The following PTPRN2 variants were observed in gnomAD, a reference collection of about 807,000 sequenced individuals.
The protein encoded by PTPRN2 is receptor-type tyrosine-protein phosphatase N2.
A neutral mutation model predicts 118.8 loss-of-function variants in PTPRN2; 74 were observed. The ratio of observed to expected loss-of-function variants is 0.62; its 90% CI spans 0.52 to 0.76. PTPRN2 has a LOEUF of 0.76. PTPRN2 is among the 30% of genes least tolerant of loss of function. The probability of loss-of-function intolerance (pLI) is 0.00; values close to 1 mark genes in which losing one functional copy is unlikely to be tolerated. For missense variants in PTPRN2, 1,481 were observed against 1,394.4 expected (o/e 1.06, Z -0.99); for synonymous variants, 641 against 608.0 (o/e 1.05, Z -0.80).
At chr7:158,459,090 G>A (rs1229457694) in intron 2 of PTPRN2, among the ~76,000 whole-genome samples, 1 of 152,190 alleles carries the variant, frequency 6.6e-6, no homozygotes, top group South Asian at 2.1e-4. Context: ...GGCTGGACTT[G>A]CTGCACACAC....
intron 3 of PTPRN2, among the ~76,000 whole-genome samples, chr7:158,283,622 G>A (rs1799579627): frequency 6.6e-6 from 1 of 152,146 alleles, no homozygotes; most frequent in Non-Finnish European, 1.5e-5. Context: ...GCACCCTGAT[G>A]GAAGCTTTAA....
intron 9 of PTPRN2, among the ~76,000 whole-genome samples, chr7:158,113,663 G>C (rs1816476107): frequency 6.6e-6 from 1 of 152,232 alleles, no homozygotes; most frequent in Admixed American, 6.5e-5. Context: ...TAGCTGGAGA[G>C]AGAGGGTAGT....
intron 2 of PTPRN2, among the ~76,000 whole-genome samples, chr7:158,469,122 T>TGGATCAACAGAATGCACAC (rs1301344649): frequency 2.0e-5 from 3 of 151,758 alleles, no homozygotes; most frequent in South Asian, 2.1e-4. Context: ...ATCAACAGTG[T>TGGATCAACAGAATGCACAC]CAGGCTTTCA....
At chr7:158,014,807 G>A (rs569931939) in intron 11 of PTPRN2, among the ~76,000 whole-genome samples, 59 of 149,876 alleles carry the variant, frequency 3.9e-4, no homozygotes, top group East Asian at 1.2e-3. Flanking sequence ...CCATCCACCC[G>A]TCCATATACC....
chr7:158,310,514 T>A (rs114816124), intron 3 of PTPRN2, among the ~76,000 whole-genome samples: 1 of 152,158 alleles, frequency 6.6e-6, no homozygotes, highest in African/African-American at 2.4e-5. Context: ...GAATGAGGAA[T>A]TGGAAACAGT....
At chr7:158,130,703 C>CACAA (rs1263014458) in intron 9 of PTPRN2, among the ~76,000 whole-genome samples, 4 of 151,712 alleles carry the variant, frequency 2.6e-5, no homozygotes, top group Non-Finnish European at 4.4e-5. Context: ...ATCTACCCAA[C>CACAA]ACACACTCAT....
chr7:158,335,314 A>T (rs1490907306), intron 2 of PTPRN2, among the ~76,000 whole-genome samples: 3 of 16,032 alleles, frequency 1.9e-4, no homozygotes, highest in African/African-American at 4.6e-4. Flanking sequence ...CACAGAGGAC[A>T]CTCACACCCA....
Position 157,813,131 on chromosome 7 carries a change from T to C in PTPRN2, c.1788+85542A>G, listed in dbSNP as rs1262886956. 6.6e-6 allele frequency among the ~76,000 whole-genome samples: 1 copy of C among 151,922 alleles called. No homozygotes were observed. Among genetic ancestry groups the C allele is most frequent in the African/African-American group, 2.4e-5 (1 of 41,306 alleles). ...TGCTAAAACCACACGCATGGCAGCC[T>C]CCCCCAAGCCAACCACCCGGGCCCA... On this transcript the variant is annotated intron_variant, in intron 12 of 22. Coordinates refer to ENST00000389418, the MANE Select transcript of PTPRN2 (RefSeq NM_002847.5). This position sits in a 1 kb window ranked among gnomAD's most constrained non-coding sequence, Gnocchi z 4.7.
At chr7:157,744,858 C>T (rs184662963) in intron 12 of PTPRN2, among the ~76,000 whole-genome samples, 20 of 152,306 alleles carry the variant, frequency 1.3e-4, no homozygotes, top group African/African-American at 4.3e-4. Flanking sequence ...TCTTACCAAA[C>T]GACTCGGGGC....
chr7:157,633,282 A>G (rs1476128947), intron 14 of PTPRN2, among the ~76,000 whole-genome samples: 2 of 152,108 alleles, frequency 1.3e-5, no homozygotes, highest in Non-Finnish European at 2.9e-5. Context: ...CTAGGACTAC[A>G]GGTGCAAACC....
intron 3 of PTPRN2, among the ~76,000 whole-genome samples, chr7:158,284,339 G>A (rs777235007): frequency 6.6e-6 from 1 of 151,828 alleles, no homozygotes; most frequent in Admixed American, 6.6e-5. Flanking sequence ...CAAGTCAGCC[G>A]GGCACTGGGC....
chr7:157,889,467 C>A (rs1796670298), intron 12 of PTPRN2, among the ~76,000 whole-genome samples: 1 of 152,238 alleles, frequency 6.6e-6, no homozygotes, highest in South Asian at 2.1e-4. Context: ...TAAGAGACCC[C>A]ATTCACGGAG....
In PTPRN2 at chr7:157,610,441, G is replaced by A. The variant is rs1357167210; in HGVS notation, c.2345-6366C>T. 6.6e-6 allele frequency among the ~76,000 whole-genome samples: 1 copy of A among 152,172 alleles called. No homozygotes were observed. The highest frequency in any genetic ancestry group is 2.4e-5 in the African/African-American group (1 of 41,448). On this transcript the variant is annotated intron_variant, in intron 15 of 22. Coordinates refer to ENST00000389418, the MANE Select transcript of PTPRN2 (RefSeq NM_002847.5). This position sits in a 1 kb window ranked among gnomAD's most constrained non-coding sequence, Gnocchi z 5.1. ...TGGAGCCGGTGTCTTGCTCCTAGAG[G>A]GAGTCCTGACTCCAGCAGAGAACAT... is the stretch of plus-strand genomic sequence containing the variant.
rs111762997 is a variant in PTPRN2, at chr7:158,260,902, C to T, written c.278-55629G>A. ...GCAGGTCCTCAGGCAGGAGTGTGAGCTCCTAATGTCTCAGGAGAGACAGGG... is the reference window on the plus strand; with the variant it reads ...GCAGGTCCTCAGGCAGGAGTGTGAGTTCCTAATGTCTCAGGAGAGACAGGG... On this transcript the variant is annotated intron_variant, in intron 3 of 22. Coordinates refer to ENST00000389418, the MANE Select transcript of PTPRN2 (RefSeq NM_002847.5). 1.8e-3 allele frequency among the ~76,000 whole-genome samples: 275 copies of T among 152,274 alleles called. 2 individuals are homozygous for T. Among genetic ancestry groups the T allele is most frequent in the African/African-American group, 6.3e-3 (260 of 41,550 alleles).
chr7:158,139,692 C>A (rs182060173), intron 6 of PTPRN2, among the ~76,000 whole-genome samples: 2 of 151,182 alleles, frequency 1.3e-5, no homozygotes, highest in Non-Finnish European at 2.9e-5. Context: ...GGGGGCGGGG[C>A]GGGGGGAAGA....
At chr7:158,569,804 G>A (rs964650707) in intron 1 of PTPRN2, among the ~76,000 whole-genome samples, 2 of 132,246 alleles carry the variant, frequency 1.5e-5, no homozygotes, top group African/African-American at 5.7e-5. Flanking sequence ...TGACAGGAAC[G>A]CGGGGCGCGA....
chr7:158,085,664 G>A (rs1312512102), intron 10 of PTPRN2, among the ~76,000 whole-genome samples: 2 of 101,496 alleles, frequency 2.0e-5, no homozygotes, highest in Admixed American at 1.1e-4. Flanking sequence ...CCACACCCAC[G>A]ACGCCCATCC....
chr7:158,203,657 A>AT (rs950582124), intron 4 of PTPRN2, among the ~76,000 whole-genome samples: 4 of 151,802 alleles, frequency 2.6e-5, no homozygotes, highest in Admixed American at 6.6e-5. Flanking sequence ...CCAGCCCTCT[A>AT]TTTTTTGCCC....
intron 1 of PTPRN2, among the ~76,000 whole-genome samples, chr7:158,490,097 C>T (rs1427076430): frequency 6.6e-6 from 1 of 152,192 alleles, no homozygotes; most frequent in Non-Finnish European, 1.5e-5. Flanking sequence ...GCAGCGGGGC[C>T]GGGGCCTCCC....
Sources: allele counts gnomAD v4.1 joint callset (sites outside exome capture counted in the v4.1 genomes callset), GRCh38; gene constraint gnomAD v4.1.1; non-coding constraint Gnocchi (gnomAD v3.1); transcripts MANE v1.5; gene names NCBI Gene and HGNC (gene_info 2026-07-23, HGNC 2026-07-21).